ARHGAP1: variants seen among roughly 807,000 people sequenced by gnomAD.
The protein encoded by ARHGAP1 is Rho GTPase activating protein 1, also known as rho GTPase-activating protein 1.
ARHGAP1 carries 23 observed loss-of-function variants against 52.2 expected under a neutral mutation model. The ratio of observed to expected loss-of-function variants is 0.44; its 90% CI spans 0.32 to 0.62. The LOEUF (loss-of-function observed/expected upper bound fraction) is 0.62. ARHGAP1 is among the 20% of genes least tolerant of loss of function. ARHGAP1 has a pLI of 0.05. For missense variants in ARHGAP1, 480 were observed against 560.9 expected (o/e 0.86, Z 1.46); for synonymous variants, 210 against 228.4 (o/e 0.92, Z 0.73).
At chr11:46,698,240 C>T (rs1195736091) in intron 1 of ARHGAP1, among the ~76,000 whole-genome samples, 3 of 152,158 alleles carry the variant, frequency 2.0e-5, no homozygotes, top group Admixed American at 1.3e-4. Flanking sequence ...GAGGCAATGG[C>T]GCCTCCCAGA....
intron 3 of ARHGAP1, among the ~76,000 whole-genome samples, chr11:46,691,500 G>A (rs531427116): frequency 6.7e-6 from 1 of 150,306 alleles, no homozygotes; most frequent in African/African-American, 2.4e-5. Flanking sequence ...TACCCAGGCT[G>A]GAGTGCAATG....
Position 46,679,304 on chromosome 11 carries a change from A to AT in ARHGAP1, c.1131+60_1131+61insA. 6.9e-6 allele frequency: 11 copies of AT among 1,604,278 alleles called. No individual in the cohort carries two copies. The highest frequency in any genetic ancestry group is 9.4e-6 in the Non-Finnish European group (11 of 1,172,338). On this transcript the variant is annotated intron_variant, in intron 12 of 12. Transcript: ENST00000311956. This position sits in a 1 kb window ranked among gnomAD's most constrained non-coding sequence, Gnocchi z 4.4. ...CCCAGCAACAATGACCAGGGCGCAG[A>AT]GGAGGCGGCAGCTCCTCCTTCCCCC...
chr11:46,689,362 T>G (rs940282161), intron 3 of ARHGAP1, among the ~76,000 whole-genome samples: 3 of 150,756 alleles, frequency 2.0e-5, no homozygotes, highest in African/African-American at 7.3e-5. Flanking sequence ...CTGGGAGGAG[T>G]GGGGAATGGG....
chr11:46,679,911 C>T lies in ARHGAP1; in HGVS notation c.899-135G>A, dbSNP rs1259530418. The T allele has an allele frequency of 2.0e-5, 27 of 1,356,308 alleles. No individual in the cohort carries two copies. Among genetic ancestry groups the T allele is most frequent in the Non-Finnish European group, 2.4e-5 (24 of 1,012,160 alleles). The allele number at this position is 1,356,308 out of a possible 1,614,324, so 84.0% of individuals were successfully genotyped here. ...CTCCTCCCAGGGGCGCCCTCTGACACCTGCCTCCCTCTTCCTCTGTGATCA... is the reference window on the plus strand; with the variant it reads ...CTCCTCCCAGGGGCGCCCTCTGACATCTGCCTCCCTCTTCCTCTGTGATCA... On this transcript the variant is annotated intron_variant, in intron 10 of 12. Transcript: ENST00000311956. This position sits in a 1 kb window ranked among gnomAD's most constrained non-coding sequence, Gnocchi z 4.4.
At position 46,678,735 on chromosome 11, in the gene ARHGAP1, A is replaced by G; in HGVS notation, c.*302T>C. 2.7e-6 allele frequency: 1 copy of G among 369,178 alleles called. No homozygotes were observed. The highest frequency in any genetic ancestry group is 4.9e-6 in the Non-Finnish European group (1 of 202,578). The allele number at this position is 369,178 out of a possible 1,614,324, so 22.9% of individuals were successfully genotyped here. ...TGCTAGGGAAACAGAGGCAGGAAAA[A>G]GCAGGAAAGGGGTTACTGGGGCTCA... On this transcript the variant is annotated 3_prime_UTR_variant, in exon 13 of 13. Transcript: ENST00000311956.
In ARHGAP1 at chr11:46,679,708, G is replaced by A. The variant is rs544447260; in HGVS notation, c.967C>T (p.Arg323Trp). The A allele has an allele frequency of 9.3e-6, 15 of 1,614,008 alleles. No individual in the cohort carries two copies. Among genetic ancestry groups the A allele is most frequent in the East Asian group, 2.2e-5 (1 of 44,892 alleles). Residue 323 changes from arginine (R) to tryptophan (W), a missense_variant, in exon 11 of 13, where the codon CGG becomes TGG. Physicochemically the swap from Arg to Trp is moderately radical, Grantham distance 101. Transcript: ENST00000311956. This position sits in a 1 kb window ranked among gnomAD's most constrained non-coding sequence, Gnocchi z 4.4. ...LPAVILKTFL[R>W]ELPEPLLTFD... The stretch of plus-strand genomic sequence containing the variant: ...GTGAGCAGGGGCTCAGGAAGCTCCC[G>A]GAGGAAGGTCTTGAGGATGACTGCT...
At chr11:46,693,841 G>A (rs1310012105) in intron 3 of ARHGAP1, among the ~76,000 whole-genome samples, 1 of 152,158 alleles carries the variant, frequency 6.6e-6, no homozygotes, top group East Asian at 1.9e-4. Flanking sequence ...ACATCATGTT[G>A]GTAGCTAGAG....
At chr11:46,697,690 A>G (rs2064666543) in intron 1 of ARHGAP1, 1 of 152,296 alleles carries the variant, frequency 6.6e-6, no homozygotes, top group Non-Finnish European at 1.5e-5. Flanking sequence ...AACAGCCCAA[A>G]AAAACCCTCT....
At chr11:46,699,469 C>T (rs141117885) in intron 1 of ARHGAP1, among the ~76,000 whole-genome samples, 84 of 152,030 alleles carry the variant, frequency 5.5e-4, no homozygotes, top group African/African-American at 1.9e-3. Context: ...CTTTGGGAGG[C>T]CGAGGCGGGC....
At chr11:46,688,080 A>C in intron 4 of ARHGAP1, 93 bp downstream of exon 4, 1 of 1,271,644 alleles carries the variant, frequency 7.9e-7, no homozygotes, top group East Asian at 2.5e-5. Flanking sequence ...GTGGCCTAGC[A>C]CCCACAGGCA....
At chr11:46,682,722 C>G (rs1250897917) in intron 4 of ARHGAP1, among the ~76,000 whole-genome samples, 1 of 152,154 alleles carries the variant, frequency 6.6e-6, no homozygotes, top group Non-Finnish European at 1.5e-5. Context: ...CACTCTTGAG[C>G]AGGAACTAGA....
chr11:46,681,981 AG>A lies in ARHGAP1; in HGVS notation c.449+69del. On this transcript the variant is annotated intron_variant, in intron 5 of 12. Coordinates refer to ENST00000311956, the MANE Select transcript of ARHGAP1 (RefSeq NM_004308.5). This position sits in a 1 kb window ranked among gnomAD's most constrained non-coding sequence, Gnocchi z 5.7. ...TTGGAATAAGCTCCTGCCCAAGTGGAGGGCAGCCCGGAAGCTGGCAGAGCCG... is the reference window on the plus strand; with the variant it reads ...TTGGAATAAGCTCCTGCCCAAGTGGAGGCAGCCCGGAAGCTGGCAGAGCCG... 1 of 1,595,184 alleles carries A rather than the reference AG, an allele frequency of 6.3e-7. No homozygotes were observed. Among genetic ancestry groups the A allele is most frequent in the Non-Finnish European group, 8.6e-7 (1 of 1,168,342 alleles).
intron 4 of ARHGAP1, 41 bp downstream of exon 4, chr11:46,688,132 A>T (rs776869113): frequency 1.3e-6 from 2 of 1,582,488 alleles, no homozygotes; most frequent in Admixed American, 3.4e-5. Context: ...TACAATGGGG[A>T]TCTGGGCAAA....
In ARHGAP1 at chr11:46,680,488, G is replaced by C; in HGVS notation, c.819C>G (p.His273Gln). 6.2e-7 allele frequency: 1 copy of C among 1,613,720 alleles called. No individual in the cohort carries two copies. Among genetic ancestry groups the C allele is most frequent in the African/African-American group, 1.3e-5 (1 of 75,052 alleles). ...TGAGGAGGCAGGCCCGGCACTCACCGTGGGCCTGTAAGTAGGCAACAGTCT... is the reference window on the plus strand; with the variant it reads ...TGAGGAGGCAGGCCCGGCACTCACCCTGGGCCTGTAAGTAGGCAACAGTCT... ...LRETVAYLQA[H>Q]ALTTEGIFRR... Residue 273 changes from histidine (H) to glutamine (Q), a missense_variant and splice_region_variant, in exon 9 of 13, where the codon CAC becomes CAG. Transcript: ENST00000311956. This position sits in a 1 kb window ranked among gnomAD's most constrained non-coding sequence, Gnocchi z 5.9.
chr11:46,690,550 C>T (rs148504191), intron 3 of ARHGAP1, among the ~76,000 whole-genome samples: 14 of 152,184 alleles, frequency 9.2e-5, no homozygotes, highest in African/African-American at 2.9e-4. Context: ...GAATTATGGA[C>T]GACACTGGTT....
chr11:46,681,574 C>T lies in ARHGAP1; in HGVS notation c.450-195G>A. On this transcript the variant is annotated intron_variant, in intron 5 of 12. Coordinates refer to ENST00000311956, the MANE Select transcript of ARHGAP1 (RefSeq NM_004308.5). This position sits in a 1 kb window ranked among gnomAD's most constrained non-coding sequence, Gnocchi z 5.7. The stretch of plus-strand genomic sequence containing the variant: ...TCAGCCTCCTGAGTAACTAGGATTA[C>T]AGGCACCCACCACCACACCTAGCTA... 1 of 541,774 alleles carries T rather than the reference C, an allele frequency of 1.8e-6. No individual in the cohort carries two copies. The highest frequency in any genetic ancestry group is 2.1e-5 in the South Asian group (1 of 48,558). The allele number at this position is 541,774 out of a possible 1,614,324, so 33.6% of individuals were successfully genotyped here.
intron 1 of ARHGAP1, among the ~76,000 whole-genome samples, chr11:46,698,368 A>G (rs2064673474): frequency 6.6e-6 from 1 of 152,044 alleles, no homozygotes; most frequent in Non-Finnish European, 1.5e-5. Context: ...TTGGGAGCCC[A>G]AGGTGGGTGG....
intron 4 of ARHGAP1, among the ~76,000 whole-genome samples, chr11:46,685,078 G>C (rs1271463097): frequency 1.5e-5 from 2 of 132,122 alleles, no homozygotes; most frequent in African/African-American, 6.0e-5. Context: ...ACAGAGCGAG[G>C]CTCGGTCTCA....
Position 46,680,640 on chromosome 11 carries a change from T to A in ARHGAP1, c.743A>T (p.His248Leu), listed in dbSNP as rs768452427. The change falls in exon 8 of 13, where the codon CAC (histidine) becomes CTC (leucine). Residue 248 changes from histidine (H) to leucine (L), a missense_variant and splice_region_variant. Coordinates refer to ENST00000311956, the MANE Select transcript of ARHGAP1 (RefSeq NM_004308.5). This position sits in a 1 kb window ranked among gnomAD's most constrained non-coding sequence, Gnocchi z 5.9. ...PNQQFGVSLQ[H>L]LQEKNPEQEP... ...TGGCCCAGCCACCTTTCATACTTAC[T>A]GCTGCAGCGAGACTCCAAACTGCTG... 1 of 1,612,890 alleles carries A rather than the reference T, an allele frequency of 6.2e-7. No individual in the cohort carries two copies. Among genetic ancestry groups the A allele is most frequent in the African/African-American group, 1.3e-5 (1 of 74,992 alleles).
Sources: gnomAD v4.1 joint callset for allele counts (sites outside exome capture counted in the v4.1 genomes callset) on GRCh38, gnomAD v4.1.1 for gene constraint, Gnocchi (gnomAD v3.1) non-coding constraint, MANE v1.5 for transcripts, NCBI Gene and HGNC (gene_info 2026-07-23, HGNC 2026-07-21) for gene names.